Variants in DUSP8 observed in about 807,000 individuals in gnomAD.
DUSP8 encodes the protein dual specificity protein phosphatase 8.
DUSP8 carries 15 observed loss-of-function variants against 38.7 expected under a neutral mutation model. The ratio of observed to expected loss-of-function variants is 0.39; its 90% CI spans 0.26 to 0.60. DUSP8 has a LOEUF of 0.60. Ranked by LOEUF, DUSP8 falls within the 20% of genes least tolerant of loss-of-function variation. The probability of loss-of-function intolerance (pLI) is 0.56; values close to 1 mark genes in which losing one functional copy is unlikely to be tolerated. For synonymous variants in DUSP8, 458 were observed against 433.9 expected (o/e 1.06, Z -0.69); for missense variants, 768 against 915.0 (o/e 0.84, Z 2.07).
chr11:1,556,969 A>G lies in DUSP8; in HGVS notation c.1427T>C (p.Phe476Ser). 1 of 1,059,018 alleles carries G rather than the reference A, an allele frequency of 9.4e-7. No individual in the cohort carries two copies. The highest frequency in any genetic ancestry group is 1.1e-6 in the Non-Finnish European group (1 of 879,582). The allele number at this position is 1,059,018 out of a possible 1,614,324, so 65.6% of individuals were successfully genotyped here. A position where few individuals can be genotyped will look rare whatever the true frequency, so the allele number is the denominator to read the frequency against. Residue 476 changes from phenylalanine to serine, a missense_variant, in exon 7 of 7, where the codon TTC becomes TCC. This residue lies in a region of DUSP8 where 474 missense variants were observed against 430.8 expected (regional missense o/e 1.10). Coordinates refer to ENST00000397374, the MANE Select transcript of DUSP8 (RefSeq NM_004420.3). The surrounding 1 kb of genome is among the most constrained non-coding windows in gnomAD (Gnocchi z 5.2). Reference protein sequence around the residue: ...RSPAHSLGLNFGDAARQTPRH... With the variant: ...RSPAHSLGLNSGDAARQTPRH... The stretch of plus-strand genomic sequence containing the variant: ...CGGAGTCTGCCGGGCCGCATCGCCG[A>G]AGTTCAGGCCGAGGCTGTGCGCGGG...
In DUSP8 at chr11:1,557,249, G is replaced by T; in HGVS notation, c.1147C>A (p.Arg383Ser). ...GLRGLHLSSD[R>S]LQDTNRLKRS... is the part of the protein sequence containing the mutation. Reference sequence around the variant, plus strand: ...TTGAGGCGGTTAGTGTCCTGCAGGCGGTCCGAGGAGAGGTGCAGGCCGCGC... The same window carrying T: ...TTGAGGCGGTTAGTGTCCTGCAGGCTGTCCGAGGAGAGGTGCAGGCCGCGC... The change falls in exon 7 of 7, where the codon CGC becomes AGC. Residue 383 changes from arginine to serine, a missense_variant. By Grantham distance (110) the Arg-to-Ser change is moderately radical. Transcript: ENST00000397374. This position sits in a 1 kb window ranked among gnomAD's most constrained non-coding sequence, Gnocchi z 9.9. 6.7e-7 allele frequency: 1 copy of T among 1,494,572 alleles called. No individual in the cohort carries two copies. The highest frequency in any genetic ancestry group is 1.3e-5 in the South Asian group (1 of 79,710). The allele number at this position is 1,494,572 out of a possible 1,614,324, so 92.6% of individuals were successfully genotyped here.
In DUSP8 at chr11:1,565,773, G is replaced by A. The variant is rs1472391308; in HGVS notation, c.54C>T (p.Ser18=). ...GCCCCCCAGGCCCGCCCCGCAGCAGGCTGGCCAGCTTCTTGGCATCCATCA... is the reference window on the plus strand; with the variant it reads ...GCCCCCCAGGCCCGCCCCGCAGCAGACTGGCCAGCTTCTTGGCATCCATCA... ...RKVMDAKKLA[S]LLRGGPGGPL... The change falls in exon 2 of 7, where the codon AGC becomes AGT. Residue 18 remains serine, a synonymous_variant. Coordinates refer to ENST00000397374, the MANE Select transcript of DUSP8 (RefSeq NM_004420.3). The A allele has an allele frequency of 6.2e-7, 1 of 1,611,068 alleles. No homozygotes were observed. Among genetic ancestry groups the A allele is most frequent in the East Asian group, 2.2e-5 (1 of 44,850 alleles).
chr11:1,562,556 C>T (rs1204827636), intron 3 of DUSP8, among the ~76,000 whole-genome samples: 2 of 152,166 alleles, frequency 1.3e-5, no homozygotes, highest in African/African-American at 2.4e-5. Context: ...CAGGCGGGTA[C>T]ATACACAAAT....
chr11:1,570,527 CAG>C (rs1264958673), intron 1 of DUSP8, among the ~76,000 whole-genome samples: 2 of 152,188 alleles, frequency 1.3e-5, no homozygotes, highest in African/African-American at 4.8e-5. Flanking sequence ...GGTCCTGGAG[CAG>C]AGACTGACTC....
At position 1,558,076 on chromosome 11, in the gene DUSP8, A is replaced by G; in HGVS notation, c.697+36T>C. The G allele has an allele frequency of 6.2e-7, 1 of 1,611,616 alleles. No homozygotes were observed. The highest frequency in any genetic ancestry group is 8.5e-7 in the Non-Finnish European group (1 of 1,179,728). On this transcript the variant is annotated intron_variant, in intron 5 of 6. Coordinates refer to ENST00000397374, the MANE Select transcript of DUSP8 (RefSeq NM_004420.3). The surrounding 1 kb of genome is among the most constrained non-coding windows in gnomAD (Gnocchi z 6.3). ...CCACACACAGCTCTAGCCTTCCTCT[A>G]GCCAGGTCCCTGCCCTCCGCCCACC...
intron 1 of DUSP8, among the ~76,000 whole-genome samples, chr11:1,570,648 C>CG (rs1221261380): frequency 6.6e-6 from 1 of 152,182 alleles, no homozygotes; most frequent in Non-Finnish European, 1.5e-5. Flanking sequence ...GTGCAGCCCC[C>CG]GGCTGGCTGC....
At position 1,557,976 on chromosome 11, in the gene DUSP8, C is replaced by T. The variant is rs1293753597; in HGVS notation, c.698-59G>A. 2.5e-5 allele frequency: 40 copies of T among 1,611,482 alleles called. No homozygotes were observed. The highest frequency in any genetic ancestry group is 3.4e-5 in the Non-Finnish European group (40 of 1,178,682). On this transcript the variant is annotated intron_variant, in intron 5 of 6. Transcript: ENST00000397374. The surrounding 1 kb of genome is among the most constrained non-coding windows in gnomAD (Gnocchi z 9.9). ...CTAAGACTGCACAGCTTCTCCCTGGCCCAGGTAGGGGACCCCACCCGCCCA... is the reference window on the plus strand; with the variant it reads ...CTAAGACTGCACAGCTTCTCCCTGGTCCAGGTAGGGGACCCCACCCGCCCA...
upstream of DUSP8, chr11:1,572,656 C>T (rs957766425): frequency 3.3e-5 from 5 of 151,916 alleles, no homozygotes; most frequent in Non-Finnish European, 5.9e-5. This position sits in a 1 kb window ranked among gnomAD's most constrained non-coding sequence, Gnocchi z 4.7. Context: ...GCGAAGTCCT[C>T]CCCCCGACCC....
chr11:1,565,540 C>A, intron 2 of DUSP8, 56 bp downstream of exon 2: 1 of 1,416,920 alleles, frequency 7.1e-7, no homozygotes, highest in Non-Finnish European at 9.7e-7. Context: ...AGCTGAGGGC[C>A]CCTTAGCTGT....
rs1443835066 is a variant in DUSP8, at chr11:1,557,032, C to A, written c.1364G>T (p.Arg455Leu). The change falls in exon 7 of 7, where the codon CGG (arginine) becomes CTG (leucine). Residue 455 changes from arginine (R) to leucine (L), a missense_variant. Transcript: ENST00000397374. The surrounding 1 kb of genome is among the most constrained non-coding windows in gnomAD (Gnocchi z 9.9). ...AAPEARPRPR[R>L]RPRPPAGSPA... is the part of the protein sequence containing the mutation. ...GGAGCCGGCGGGGGGCCGGGGCCGC[C>A]GGCGGGGCCGTGGGCGCGCCTCAGG... The A allele has an allele frequency of 9.4e-7, 1 of 1,067,754 alleles. No homozygotes were observed. The highest frequency in any genetic ancestry group is 1.1e-6 in the Non-Finnish European group (1 of 884,626). 66.1% of individuals were successfully genotyped at this position (1,067,754 alleles called of 1,614,324 possible).
upstream of DUSP8, chr11:1,572,691 C>G (rs1048436163): frequency 9.9e-5 from 15 of 152,196 alleles, no homozygotes; most frequent in East Asian, 1.4e-3. The surrounding 1 kb of genome is among the most constrained non-coding windows in gnomAD (Gnocchi z 4.7). Context: ...GCCGCTCCCC[C>G]CTTCTCCTGG....
Position 1,557,515 on chromosome 11 carries a change from A to G in DUSP8, c.881T>C (p.Leu294Pro). 6.3e-7 allele frequency: 1 copy of G among 1,590,418 alleles called. No individual in the cohort carries two copies. The highest frequency in any genetic ancestry group is 8.5e-7 in the Non-Finnish European group (1 of 1,176,710). ...CAGCTTCAGGCTGCGCTCGTACTCCAGCAGCTGGCCCAGGAAGTTGAAGTT... is the reference window on the plus strand; with the variant it reads ...CAGCTTCAGGCTGCGCTCGTACTCCGGCAGCTGGCCCAGGAAGTTGAAGTT... ...SPNFNFLGQLLEYERSLKLLA... is the reference protein window; with the variant it reads ...SPNFNFLGQLPEYERSLKLLA... The change falls in exon 7 of 7, where the codon CTG becomes CCG. Residue 294 changes from leucine (L) to proline (P), a missense_variant. Coordinates refer to ENST00000397374, the MANE Select transcript of DUSP8 (RefSeq NM_004420.3). The surrounding 1 kb of genome is among the most constrained non-coding windows in gnomAD (Gnocchi z 9.9).
In DUSP8 at chr11:1,563,935, C is replaced by A. The variant is rs1457400872; in HGVS notation, c.286G>T (p.Ala96Ser). Residue 96 changes from alanine to serine, a missense_variant, in exon 3 of 7, where the codon GCC becomes TCC. Transcript: ENST00000397374. ...VVVYDQSTRD[A>S]SVLAADSFLS... ...AAGCTGTCTGCGGCCAGCACGCTGG[C>A]GTCCCGCGTGCTCTGGTCATAGACC... The A allele has an allele frequency of 1.3e-6, 2 of 1,543,940 alleles. No homozygotes were observed. The highest frequency in any genetic ancestry group is 8.7e-7 in the Non-Finnish European group (1 of 1,143,132).
At chr11:1,562,452 GA>G (rs1848731263) in intron 3 of DUSP8, among the ~76,000 whole-genome samples, 1 of 152,160 alleles carries the variant, frequency 6.6e-6, no homozygotes, top group African/African-American at 2.4e-5. Flanking sequence ...GGACCTAGGG[GA>G]ACAGGGTTGG....
chr11:1,564,313 C>T (rs1454926264), intron 2 of DUSP8, among the ~76,000 whole-genome samples: 2 of 152,204 alleles, frequency 1.3e-5, no homozygotes, highest in Non-Finnish European at 2.9e-5. Flanking sequence ...GGAGGAGACA[C>T]AGGTGAGTGC....
Position 1,555,359 on chromosome 11 carries a change from A to C in DUSP8, c.*1159T>G. 1.0e-6 allele frequency: 1 copy of C among 987,634 alleles called. No homozygotes were observed. The highest frequency in any genetic ancestry group is 1.2e-6 in the Non-Finnish European group (1 of 830,134). 61.2% of individuals were successfully genotyped at this position (987,634 alleles called of 1,614,324 possible). Reference sequence around the variant, plus strand: ...TGAGGCAGTGCTCCCTAAGTGAAGCAGGCCTATCCCAGCAGCACAGGGGCT... The same window carrying C: ...TGAGGCAGTGCTCCCTAAGTGAAGCCGGCCTATCCCAGCAGCACAGGGGCT... On this transcript the variant is annotated 3_prime_UTR_variant, in exon 7 of 7. Coordinates refer to ENST00000397374, the MANE Select transcript of DUSP8 (RefSeq NM_004420.3).
intron 1 of DUSP8, among the ~76,000 whole-genome samples, chr11:1,569,880 G>T (rs759963606): frequency 1.3e-5 from 2 of 152,166 alleles, no homozygotes; most frequent in Non-Finnish European, 2.9e-5. Flanking sequence ...GGCAGAAATC[G>T]TCACACTAAG....
rs1365668697 is a variant in DUSP8, at chr11:1,554,522, C to T, written c.*1996G>A. 4 of 510,712 alleles carry T rather than the reference C, an allele frequency of 7.8e-6. No homozygotes were observed. Among genetic ancestry groups the T allele is most frequent in the Non-Finnish European group, 1.0e-5 (4 of 393,756 alleles). 31.6% of individuals were successfully genotyped at this position (510,712 alleles called of 1,614,324 possible). A position where few individuals can be genotyped will look rare whatever the true frequency, so the allele number is the denominator to read the frequency against. On this transcript the variant is annotated 3_prime_UTR_variant, in exon 7 of 7. Transcript: ENST00000397374. ...GAGGAGGCAGTGGCCAACACAGGACCTTCGCCCCCCTGCTGGCTGCTCACT... is the reference window on the plus strand; with the variant it reads ...GAGGAGGCAGTGGCCAACACAGGACTTTCGCCCCCCTGCTGGCTGCTCACT...
chr11:1,566,905 G>T (rs2133446904), intron 1 of DUSP8, among the ~76,000 whole-genome samples: 1 of 152,034 alleles, frequency 6.6e-6, no homozygotes, highest in African/African-American at 2.4e-5. Context: ...CAGGCTTGAT[G>T]ACAAGCCTGT....
Sources: allele counts gnomAD v4.1 joint callset (sites outside exome capture counted in the v4.1 genomes callset), GRCh38; gene constraint gnomAD v4.1.1; regional missense constraint gnomAD v4.1.1; non-coding constraint Gnocchi (gnomAD v3.1); transcripts MANE v1.5; gene names NCBI Gene and HGNC (gene_info 2026-07-23, HGNC 2026-07-21).